MCF2L2: variants seen among roughly 807,000 people sequenced by gnomAD.
MCF2L2 encodes the protein probable guanine nucleotide exchange factor MCF2L2.
In MCF2L2, 102 loss-of-function variants were observed where a neutral mutation model predicts 150.2. The ratio of observed to expected loss-of-function variants is 0.68; its 90% CI spans 0.58 to 0.80. MCF2L2 has a LOEUF of 0.80. Among genes scored for constraint, MCF2L2 ranks in the 30% least tolerant of loss-of-function variants. The pLI is 0.00. For missense variants in MCF2L2, 1,256 were observed against 1,372.8 expected, an observed-to-expected ratio of 0.91 and a Z score of 1.34; for synonymous variants, 465 against 491.3, an observed-to-expected ratio of 0.95 and a Z score of 0.71.
At position 183,180,152 on chromosome 3, in the gene MCF2L2, G is replaced by A; in HGVS notation, c.3024C>T (p.Ser1008=). 1 of 1,612,346 alleles carries A rather than the reference G, an allele frequency of 6.2e-7. No homozygotes were observed. Among genetic ancestry groups the A allele is most frequent in the South Asian group, 1.1e-5 (1 of 91,036 alleles). Residue 1008 remains serine (S), a synonymous_variant, in exon 28 of 30, where the codon TCC becomes TCT. Transcript: ENST00000328913. ...ASSTGGIKGC[S]SREFSSMDTF... The stretch of plus-strand genomic sequence containing the variant: ...TGTCCATGGAGCTAAACTCCCTGCT[G>A]GAGCAGCCTTAGGGAGAGAAAGGGA...
At chr3:183,220,926 C>T (rs943500897) in intron 20 of MCF2L2, among the ~76,000 whole-genome samples, 5 of 152,158 alleles carry the variant, frequency 3.3e-5, no homozygotes, top group African/African-American at 4.8e-5. Context: ...CACATTTTCC[C>T]CAATGTTTCA....
intron 1 of MCF2L2, among the ~76,000 whole-genome samples, chr3:183,414,336 T>A (rs941515339): frequency 6.6e-6 from 1 of 152,230 alleles, no homozygotes; most frequent in Non-Finnish European, 1.5e-5. Flanking sequence ...AATCTGTCCA[T>A]TTCATCTAGG....
chr3:183,189,007 T>C (rs1157876820), intron 27 of MCF2L2, among the ~76,000 whole-genome samples: 1 of 152,004 alleles, frequency 6.6e-6, no homozygotes, highest in African/African-American at 2.4e-5. Context: ...TCACACACTG[T>C]ACTTTCTAAC....
intron 15 of MCF2L2, among the ~76,000 whole-genome samples, chr3:183,248,360 T>C (rs1292512248): frequency 6.6e-6 from 1 of 152,032 alleles, no homozygotes; most frequent in African/African-American, 2.4e-5. Context: ...ATAAGGAAAA[T>C]CTCAGCATAG....
At chr3:183,297,296 G>A (rs143509682) in intron 11 of MCF2L2, 129 bp from the exon 12 acceptor site, 330 of 825,194 alleles carry the variant, frequency 4.0e-4, no homozygotes, top group Non-Finnish European at 3.5e-4. Context: ...GTCATGGGAC[G>A]GCATCGAGTT....
chr3:183,188,143 C>T (rs1721761464), intron 27 of MCF2L2, among the ~76,000 whole-genome samples: 1 of 152,122 alleles, frequency 6.6e-6, no homozygotes, highest in Non-Finnish European at 1.5e-5. Flanking sequence ...GTCTAGGACC[C>T]CCACTATACA....
intron 20 of MCF2L2, among the ~76,000 whole-genome samples, chr3:183,221,163 C>A (rs1199132409): frequency 6.6e-6 from 1 of 152,336 alleles, no homozygotes; most frequent in East Asian, 1.9e-4. Flanking sequence ...GCTGGTTTCA[C>A]AGGCACCAGC....
At chr3:183,380,059 T>C (rs886808044) in intron 2 of MCF2L2, among the ~76,000 whole-genome samples, 2 of 152,144 alleles carry the variant, frequency 1.3e-5, no homozygotes, top group East Asian at 1.9e-4. Context: ...ATTATTATTA[T>C]TACAAGGAAG....
intron 21 of MCF2L2, among the ~76,000 whole-genome samples, chr3:183,218,453 G>A (rs567201892): frequency 2.6e-5 from 4 of 152,056 alleles, no homozygotes; most frequent in Admixed American, 1.3e-4. Context: ...CCTGACCAAC[G>A]TGGTGAAACC....
At chr3:183,422,231 T>G (rs1233936628) in intron 1 of MCF2L2, among the ~76,000 whole-genome samples, 1 of 152,230 alleles carries the variant, frequency 6.6e-6, no homozygotes, top group Non-Finnish European at 1.5e-5. Context: ...GCTACCAGAC[T>G]CCTCTTAATT....
At chr3:183,272,054 G>A in intron 15 of MCF2L2, 1 of 613,838 alleles carries the variant, frequency 1.6e-6, no homozygotes, top group South Asian at 7.5e-5. Flanking sequence ...ATCAATAACT[G>A]TCAGAGGTGA....
At chr3:183,336,344 T>C (rs1730480446) in intron 5 of MCF2L2, among the ~76,000 whole-genome samples, 1 of 152,158 alleles carries the variant, frequency 6.6e-6, no homozygotes, top group Non-Finnish European at 1.5e-5. Flanking sequence ...TGTGCTATTC[T>C]TATTCTTGCA....
chr3:183,376,249 G>A (rs910285398), intron 3 of MCF2L2: 12 of 152,310 alleles, frequency 7.9e-5, no homozygotes, highest in African/African-American at 2.9e-4. Context: ...CAGTCCGGGG[G>A]GCTGAGCTAT....
chr3:183,274,965 G>GTT (rs763718357), intron 15 of MCF2L2, among the ~76,000 whole-genome samples: 13 of 143,512 alleles, frequency 9.1e-5, no homozygotes, highest in African/African-American at 1.3e-4. Context: ...CTATAGCTTG[G>GTT]TTTTTTTTTT....
chr3:183,209,793 T>C (rs1179481317), intron 22 of MCF2L2, among the ~76,000 whole-genome samples: 31 of 152,166 alleles, frequency 2.0e-4, no homozygotes, highest in Non-Finnish European at 1.5e-5. Context: ...CCGGCCTTCA[T>C]GCACTAAATT....
At chr3:183,277,485 A>G (rs749275403) in intron 14 of MCF2L2, among the ~76,000 whole-genome samples, 46 of 151,828 alleles carry the variant, frequency 3.0e-4, no homozygotes, top group Non-Finnish European at 5.3e-4. Context: ...TAAGAAATCA[A>G]GGTCTGGAAA....
Position 183,428,061 on chromosome 3 carries a change from C to T in MCF2L2, c.-84G>A. ...GTGGATGATTTTTTAAAGGCATCTC[C>T]GCCCAAGGATGCTCTGCCCTCGCCC... On this transcript the variant is annotated 5_prime_UTR_variant, in exon 1 of 30. Coordinates refer to ENST00000328913, the MANE Select transcript of MCF2L2 (RefSeq NM_015078.4). This position sits in a 1 kb window ranked among gnomAD's most constrained non-coding sequence, Gnocchi z 5.1. 9.7e-7 allele frequency: 1 copy of T among 1,033,242 alleles called. No homozygotes were observed. The highest frequency in any genetic ancestry group is 1.5e-6 in the Non-Finnish European group (1 of 655,092). The allele number at this position is 1,033,242 out of a possible 1,614,324, so 64.0% of individuals were successfully genotyped here. A position where few individuals can be genotyped will look rare whatever the true frequency, so the allele number is the denominator to read the frequency against.
intron 27 of MCF2L2, among the ~76,000 whole-genome samples, chr3:183,191,709 T>C (rs1328506403): frequency 6.6e-6 from 1 of 152,200 alleles, no homozygotes; most frequent in Non-Finnish European, 1.5e-5. Flanking sequence ...GGTGTGTGAT[T>C]TTTTTTCTTT....
In MCF2L2 at chr3:183,351,225, TATATA is replaced by T. The variant is rs1560034991; in HGVS notation, c.276-9600_276-9596del. ...ATATATATATATATATATATATATATATATATATATATTTATTTATTTATTTATCA... is the reference window on the plus strand; with the variant it reads ...ATATATATATATATATATATATATATTATATATTTATTTATTTATTTATCA... On this transcript the variant is annotated intron_variant, in intron 3 of 29. Transcript: ENST00000328913. 6.0e-4 allele frequency among the ~76,000 whole-genome samples: 57 copies of T among 94,272 alleles called. 1 individual carries two copies. Among genetic ancestry groups the T allele is most frequent in the African/African-American group, 8.3e-4 (15 of 18,040 alleles). The allele number at this position is 94,272 out of a possible 152,430, so 61.8% of individuals were successfully genotyped here.
Sources: gnomAD v4.1 joint callset for allele counts (sites outside exome capture counted in the v4.1 genomes callset) on GRCh38, gnomAD v4.1.1 for gene constraint, Gnocchi (gnomAD v3.1) non-coding constraint, MANE v1.5 for transcripts, NCBI Gene and HGNC (gene_info 2026-07-23, HGNC 2026-07-21) for gene names.